Variants in PRMT3 observed in about 807,000 individuals in gnomAD.
The protein encoded by PRMT3 is protein arginine methyltransferase 3.
In PRMT3, 62 loss-of-function variants were observed where a neutral mutation model predicts 71.9. The ratio of observed to expected loss-of-function variants is 0.86; its 90% CI spans 0.70 to 1.07. The LOEUF is 1.07. Among genes scored for constraint, PRMT3 ranks in the 50% least tolerant of loss-of-function variants. The pLI, the probability that PRMT3 is intolerant of heterozygous loss-of-function variation, is 0.00. For missense variants in PRMT3, 663 were observed against 643.0 expected (o/e 1.03, Z -0.34); for synonymous variants, 213 against 220.4 (o/e 0.97, Z 0.30).
chr11:20,452,935 T>C (rs1341176740), intron 11 of PRMT3, among the ~76,000 whole-genome samples: 1 of 152,216 alleles, frequency 6.6e-6, no homozygotes, highest in East Asian at 1.9e-4. Context: ...TCCATGTTTA[T>C]TGAATTGAAT....
chr11:20,467,814 CAT>C (rs1263005056), intron 13 of PRMT3, among the ~76,000 whole-genome samples: 1 of 152,172 alleles, frequency 6.6e-6, no homozygotes, highest in Admixed American at 6.5e-5. Context: ...GTGAGCTTGA[CAT>C]ATGTAAGATG....
chr11:20,429,913 C>A (rs1284256248), intron 10 of PRMT3, among the ~76,000 whole-genome samples: 1 of 152,130 alleles, frequency 6.6e-6, no homozygotes, highest in Non-Finnish European at 1.5e-5. Flanking sequence ...TCTTCTAAAT[C>A]CTAGAAGTCC....
intron 15 of PRMT3, among the ~76,000 whole-genome samples, chr11:20,495,930 C>G (rs970820417): frequency 1.3e-5 from 2 of 152,160 alleles, no homozygotes; most frequent in Admixed American, 6.5e-5. Flanking sequence ...TAAAGTTTAA[C>G]AATGTCAAGT....
At chr11:20,474,838 A>C (rs192849532) in intron 13 of PRMT3, among the ~76,000 whole-genome samples, 73 of 152,308 alleles carry the variant, frequency 4.8e-4, no homozygotes, top group African/African-American at 1.8e-3. Context: ...GAAGCAATTT[A>C]TGTCTTTTAT....
At chr11:20,392,093 G>A in intron 3 of PRMT3, 118 bp from the exon 4 acceptor site, 1 of 913,884 alleles carries the variant, frequency 1.1e-6, no homozygotes, top group Non-Finnish European at 1.6e-6. Flanking sequence ...CAAAATATAA[G>A]TAGTAATTTA....
intron 3 of PRMT3, among the ~76,000 whole-genome samples, chr11:20,391,174 TTATAAATC>T (rs1230779470): frequency 6.6e-6 from 1 of 152,246 alleles, no homozygotes; most frequent in Non-Finnish European, 1.5e-5. Context: ...TATCACATGT[TTATAAATC>T]ATAAATTCAA....
chr11:20,448,599 A>C (rs1317086676), intron 10 of PRMT3, among the ~76,000 whole-genome samples: 1 of 151,898 alleles, frequency 6.6e-6, no homozygotes, highest in African/African-American at 2.4e-5. Flanking sequence ...TTTTGCCTAG[A>C]GATGTATCAG....
chr11:20,464,604 CTAA>C (rs1478943567), intron 13 of PRMT3, 58 bp downstream of exon 13: 1 of 1,591,966 alleles, frequency 6.3e-7, no homozygotes, highest in Non-Finnish European at 8.5e-7. Context: ...GATTGGCAGG[CTAA>C]TGAGTTTAAT....
chr11:20,425,252 A>T (rs1450327862), intron 9 of PRMT3, among the ~76,000 whole-genome samples: 1 of 152,242 alleles, frequency 6.6e-6, no homozygotes, highest in Non-Finnish European at 1.5e-5. Context: ...ACCACAATGA[A>T]TTCTTTCTAC....
chr11:20,395,563 G>A (rs1042686520), intron 5 of PRMT3, among the ~76,000 whole-genome samples: 1 of 151,836 alleles, frequency 6.6e-6, no homozygotes, highest in Non-Finnish European at 1.5e-5. Context: ...AAATTGGCCA[G>A]GCTGGTCTTG....
chr11:20,432,568 A>G (rs77511225), intron 10 of PRMT3, among the ~76,000 whole-genome samples: 4,447 of 152,182 alleles, frequency 0.029, 70 homozygotes, highest in Middle Eastern at 0.044. Flanking sequence ...TCTTTTGAAT[A>G]TGTATACCCG....
chr11:20,494,077 T>C (rs2133453939), intron 14 of PRMT3, 90 bp from the exon 15 acceptor site: 6 of 1,455,864 alleles, frequency 4.1e-6, no homozygotes, highest in South Asian at 3.5e-5. Flanking sequence ...CTGTAAGCAA[T>C]TGGGGCTTGT....
chr11:20,489,057 A>G (rs1851146411), intron 13 of PRMT3, among the ~76,000 whole-genome samples: 1 of 152,198 alleles, frequency 6.6e-6, no homozygotes, highest in Admixed American at 6.5e-5. Flanking sequence ...GATTCTCACA[A>G]AATATCAAGA....
intron 13 of PRMT3, among the ~76,000 whole-genome samples, chr11:20,469,755 G>T (rs996841772): frequency 1.3e-5 from 2 of 152,014 alleles, no homozygotes; most frequent in Admixed American, 1.3e-4. Flanking sequence ...ACCTGTAAAG[G>T]TTTTTATTTG....
chr11:20,431,641 C>T lies in PRMT3; in HGVS notation c.993+4776C>T, dbSNP rs377046560. Among the ~76,000 whole-genome samples the T allele has an allele frequency of 4.6e-5, 7 of 152,122 alleles. No homozygotes were observed. In the East Asian group the frequency reaches 7.7e-4, roughly 17 times the overall value. ...GCCCTTTGTAAAAGCGGAAGACTTT[C>T]TCTTTCCATGTCTAGCATTTACTAA... On this transcript the variant is annotated intron_variant, in intron 10 of 15. Coordinates refer to ENST00000331079, the MANE Select transcript of PRMT3 (RefSeq NM_005788.4).
chr11:20,419,926 C>T (rs1435741602), intron 9 of PRMT3, among the ~76,000 whole-genome samples: 1 of 152,164 alleles, frequency 6.6e-6, no homozygotes, highest in African/African-American at 2.4e-5. Flanking sequence ...AATTCCAATA[C>T]TTTGGGAGGT....
At chr11:20,485,650 A>G (rs1036798481) in intron 13 of PRMT3, among the ~76,000 whole-genome samples, 1 of 152,162 alleles carries the variant, frequency 6.6e-6, no homozygotes, top group Non-Finnish European at 1.5e-5. Flanking sequence ...AAGCCTGGAG[A>G]CATGCAAGAA....
chr11:20,441,460 C>T (rs905391197), intron 10 of PRMT3, among the ~76,000 whole-genome samples: 1 of 151,938 alleles, frequency 6.6e-6, no homozygotes, highest in Non-Finnish European at 1.5e-5. Context: ...CACCCGCCAC[C>T]ATGCCCAGCT....
rs765440375 is a variant in PRMT3, at chr11:20,452,184, A to G, written c.1048A>G (p.Lys350Glu). ...AGATTCTGTCCTTTATGCAAAGAAC[A>G]AATACTTGGCAAAAGGAGGCTCGGG... is the stretch of plus-strand genomic sequence containing the variant. ...MLDSVLYAKN[K>E]YLAKGGSVYP... Residue 350 changes from lysine to glutamate, a missense_variant, in exon 11 of 16, where the codon AAA becomes GAA. By Grantham distance (56) the Lys-to-Glu change is moderately conservative. Transcript: ENST00000331079. The G allele has an allele frequency of 6.2e-7, 1 of 1,610,148 alleles. No homozygotes were observed. Among genetic ancestry groups the G allele is most frequent in the African/African-American group, 1.3e-5 (1 of 74,908 alleles).
Sources: gnomAD v4.1 joint callset for allele counts (sites outside exome capture counted in the v4.1 genomes callset) on GRCh38, gnomAD v4.1.1 for gene constraint, MANE v1.5 for transcripts, NCBI Gene and HGNC (gene_info 2026-07-23, HGNC 2026-07-21) for gene names.